Variants in NHSL1 observed in about 807,000 individuals in gnomAD.
The protein encoded by NHSL1 is NHS like 1.
A neutral mutation model predicts 95.0 loss-of-function variants in NHSL1; 48 were observed. The observed-to-expected ratio is 0.51, with a 90% CI of 0.40 to 0.64. NHSL1 has a LOEUF of 0.64. NHSL1 is among the 30% of genes least tolerant of loss of function. The pLI, the probability that NHSL1 is intolerant of heterozygous loss-of-function variation, is 0.00. For synonymous variants in NHSL1, 783 were observed against 833.9 expected, an observed-to-expected ratio of 0.94 and a Z score of 1.05; for missense variants, 1,971 against 2,077.7, an observed-to-expected ratio of 0.95 and a Z score of 1.00.
chr6:138,608,007 C>T (rs1784457573), intron 1 of NHSL1, among the ~76,000 whole-genome samples: 1 of 152,234 alleles, frequency 6.6e-6, no homozygotes, highest in South Asian at 2.1e-4. Flanking sequence ...AGGATGCTAA[C>T]CTTCAACCCT....
upstream of NHSL1, among the ~76,000 whole-genome samples, chr6:138,500,285 A>T (rs1485551636): frequency 7.2e-5 from 11 of 152,250 alleles, no homozygotes; most frequent in Admixed American, 6.5e-4. Context: ...TCTACCATCC[A>T]GAGTGCTGGT....
At chr6:138,501,355 A>G (rs995700702), upstream of NHSL1, among the ~76,000 whole-genome samples, 14 of 152,212 alleles carry the variant, frequency 9.2e-5, no homozygotes, top group African/African-American at 2.9e-4. Context: ...ATTATTTGAC[A>G]CTGAACTACA....
At chr6:138,441,006 C>T (rs891280963) in intron 5 of NHSL1, among the ~76,000 whole-genome samples, 2 of 152,192 alleles carry the variant, frequency 1.3e-5, no homozygotes, top group African/African-American at 4.8e-5. Context: ...ATAATGACCA[C>T]AGTAGCTATT....
chr6:138,439,278 T>C (rs1776377034), intron 5 of NHSL1, among the ~76,000 whole-genome samples: 1 of 152,238 alleles, frequency 6.6e-6, no homozygotes, highest in African/African-American at 2.4e-5. Context: ...GTGAATGCCT[T>C]TCCTTTGGGA....
chr6:138,650,499 T>C lies in NHSL1; in HGVS notation c.96+41977A>G, dbSNP rs144854818. On this transcript the variant is annotated intron_variant, in intron 1 of 3. Coordinates refer to the NHSL1 transcript ENST00000491526. ...CTGGTGGAGGCTGTCATCCACCAGG[T>C]AGGCACTGATGAAGTAGGCCAGTAG... is the stretch of plus-strand genomic sequence containing the variant. The C allele has an allele frequency of 1.5e-4, 110 of 718,326 alleles. 1 individual carries two copies. The East Asian group carries it at 3.7e-3, about 24-fold the overall frequency. 44.5% of individuals were successfully genotyped at this position (718,326 alleles called of 1,614,324 possible). A position where few individuals can be genotyped will look rare whatever the true frequency, so the allele number is the denominator to read the frequency against.
In NHSL1 at chr6:138,432,574, A is replaced by G. The variant is rs2128200975; in HGVS notation, c.1771T>C (p.Ser591Pro). The G allele has an allele frequency of 6.4e-7, 1 of 1,551,874 alleles. No individual in the cohort carries two copies. Among genetic ancestry groups the G allele is most frequent in the East Asian group, 2.4e-5 (1 of 40,892 alleles). ...NMSSCSLDQT[S>P]NKEDAGSLYS... Reference sequence around the variant, plus strand: ...AGCGACCCAGCATCCTCTTTGTTGGACGTTTGGTCCAAACTGCAGCTGCTC... The same window carrying G: ...AGCGACCCAGCATCCTCTTTGTTGGGCGTTTGGTCCAAACTGCAGCTGCTC... Residue 591 changes from serine (S) to proline (P), a missense_variant, in exon 6 of 8, where the codon TCC becomes CCC. This residue lies in a region of NHSL1 where 1,602 missense variants were observed against 1,654.5 expected (regional missense o/e 0.97). Coordinates refer to ENST00000343505, the MANE Select transcript of NHSL1 (RefSeq NM_001144060.2). This position sits in a 1 kb window ranked among gnomAD's most constrained non-coding sequence, Gnocchi z 4.4.
At chr6:138,520,105 CA>C (rs915761759) in intron 1 of NHSL1, among the ~76,000 whole-genome samples, 45 of 151,540 alleles carry the variant, frequency 3.0e-4, no homozygotes, top group African/African-American at 1.0e-3. Flanking sequence ...AGAATAATAA[CA>C]ATAATAACAT....
At position 138,430,628 on chromosome 6, in the gene NHSL1, G is replaced by T. The variant is rs1483714570; in HGVS notation, c.3717C>A (p.His1239Gln). ...CAGAACTCTCTTTTGCCTCCCTGCTGTGCACAGAGCCCTCCTCTCCCGTCG... is the reference window on the plus strand; with the variant it reads ...CAGAACTCTCTTTTGCCTCCCTGCTTTGCACAGAGCCCTCCTCTCCCGTCG... ...SPTTGEEGSV[H>Q]SREAKESSAA... The change falls in exon 6 of 8, where the codon CAC (histidine) becomes CAA (glutamine). Residue 1239 changes from histidine to glutamine, a missense_variant. Around this residue, in one of 3 missense-constraint regions of NHSL1, gnomAD observed 1,602 missense variants for 1,654.5 expected, o/e 0.97. Coordinates refer to ENST00000343505, the MANE Select transcript of NHSL1 (RefSeq NM_001144060.2). This position sits in a 1 kb window ranked among gnomAD's most constrained non-coding sequence, Gnocchi z 4.7. The T allele has an allele frequency of 6.4e-7, 1 of 1,551,484 alleles. No individual in the cohort carries two copies. The highest frequency in any genetic ancestry group is 2.4e-5 in the East Asian group (1 of 40,930).
At chr6:138,510,982 C>T (rs1781195006) in intron 1 of NHSL1, among the ~76,000 whole-genome samples, 2 of 152,058 alleles carry the variant, frequency 1.3e-5, no homozygotes, top group Admixed American at 6.5e-5. Context: ...CAATTGGGCA[C>T]AGATGGAAGG....
At chr6:138,672,370 A>G (rs535406057) in intron 1 of NHSL1, among the ~76,000 whole-genome samples, 14 of 152,280 alleles carry the variant, frequency 9.2e-5, no homozygotes, top group Middle Eastern at 3.4e-3. Flanking sequence ...CCTCCTCCCT[A>G]TGATTTTCTT....
Position 138,428,324 on chromosome 6 carries a change from A to G in NHSL1, c.4085+1387T>C, listed in dbSNP as rs200320537. Among the ~76,000 whole-genome samples, 27 of 152,372 alleles carry G rather than the reference A, an allele frequency of 1.8e-4. 1 individual carries two copies. The East Asian group carries it at 5.2e-3, about 29-fold the overall frequency. On this transcript the variant is annotated intron_variant, in intron 7 of 7. Coordinates refer to ENST00000343505, the MANE Select transcript of NHSL1 (RefSeq NM_001144060.2). ...AATACCAGTTGGTTTCATTTAATTCAGGAAATATTTATTGAGTGCTTCTTA... is the reference window on the plus strand; with the variant it reads ...AATACCAGTTGGTTTCATTTAATTCGGGAAATATTTATTGAGTGCTTCTTA...
intron 1 of NHSL1, among the ~76,000 whole-genome samples, chr6:138,561,977 G>A (rs930812891): frequency 6.6e-6 from 1 of 152,210 alleles, no homozygotes; most frequent in Admixed American, 6.5e-5. Flanking sequence ...GTCATCAAAT[G>A]TCAGCGATGA....
Position 138,430,343 on chromosome 6 carries a change from T to C in NHSL1, c.3952+50A>G. The stretch of plus-strand genomic sequence containing the variant: ...ATTCAACAACCCTATCTGGTTCAGC[T>C]GCATATGGGCAGAGGGCACAGGAGA... On this transcript the variant is annotated intron_variant, in intron 6 of 7. Transcript: ENST00000343505. The surrounding 1 kb of genome is among the most constrained non-coding windows in gnomAD (Gnocchi z 4.7). The C allele has an allele frequency of 2.1e-6, 3 of 1,431,866 alleles. No homozygotes were observed. In the South Asian group the frequency reaches 4.9e-5, roughly 24 times the overall value. 88.7% of individuals were successfully genotyped at this position (1,431,866 alleles called of 1,614,324 possible).
intron 1 of NHSL1, among the ~76,000 whole-genome samples, chr6:138,585,657 A>T (rs997781682): frequency 6.6e-6 from 1 of 152,188 alleles, no homozygotes; most frequent in Non-Finnish European, 1.5e-5. Context: ...GTGAACACAG[A>T]AGAAAAATAC....
Position 138,473,427 on chromosome 6 carries a change from T to C in NHSL1, c.218A>G (p.Asp73Gly), listed in dbSNP as rs753427758. Reference sequence around the variant, plus strand: ...GCGGTAGCCATCATGCCGCAACTTATCGCATTCTGCAGAGGGGCACGCAGG... The same window carrying C: ...GCGGTAGCCATCATGCCGCAACTTACCGCATTCTGCAGAGGGGCACGCAGG... Reference protein sequence around the residue: ...LNLKSVLRECDKLRHDGYRSS... With the variant: ...LNLKSVLRECGKLRHDGYRSS... The change falls in exon 3 of 8, where the codon GAT becomes GGT. Residue 73 changes from aspartate (D) to glycine (G), a missense_variant. By Grantham distance (94) the Asp-to-Gly change is moderately conservative (BLOSUM62 -1). Transcript: ENST00000343505. 241 of 1,497,944 alleles carry C rather than the reference T, an allele frequency of 1.6e-4. No individual in the cohort carries two copies. The highest frequency in any genetic ancestry group is 2.1e-4 in the Non-Finnish European group (233 of 1,119,684). The allele number at this position is 1,497,944 out of a possible 1,614,324, so 92.8% of individuals were successfully genotyped here. A position where few individuals can be genotyped will look rare whatever the true frequency, so the allele number is the denominator to read the frequency against.
At chr6:138,475,412 G>C (rs1314195783) in intron 2 of NHSL1, among the ~76,000 whole-genome samples, 1 of 151,570 alleles carries the variant, frequency 6.6e-6, no homozygotes, top group African/African-American at 2.4e-5. Flanking sequence ...TTATTTTTTA[G>C]ATACAGGGAC....
intron 1 of NHSL1, among the ~76,000 whole-genome samples, chr6:138,676,535 G>A (rs1284027693): frequency 6.6e-6 from 1 of 152,142 alleles, no homozygotes; most frequent in South Asian, 2.1e-4. Flanking sequence ...TCAAGTATTA[G>A]TACAATGCCC....
intron 1 of NHSL1, among the ~76,000 whole-genome samples, chr6:138,561,214 C>T (rs1468618399): frequency 4.6e-5 from 7 of 152,166 alleles, no homozygotes; most frequent in African/African-American, 1.7e-4. Flanking sequence ...GTACAATTAG[C>T]GATGCAAGCA....
chr6:138,533,621 CTGAAAA>C (rs1474698663), intron 1 of NHSL1, among the ~76,000 whole-genome samples: 1 of 152,154 alleles, frequency 6.6e-6, no homozygotes, highest in Non-Finnish European at 1.5e-5. Context: ...TCTCATATTT[CTGAAAA>C]TAATTTTTTT....
Sources: gnomAD v4.1 joint callset for allele counts (sites outside exome capture counted in the v4.1 genomes callset) on GRCh38, gnomAD v4.1.1 for gene constraint, gnomAD v4.1.1 regional missense constraint, Gnocchi (gnomAD v3.1) non-coding constraint, MANE v1.5 for transcripts, NCBI Gene and HGNC (gene_info 2026-07-23, HGNC 2026-07-21) for gene names.